Variants in CSMD2 observed in about 807,000 individuals in gnomAD.
The protein encoded by CSMD2 is CUB and sushi domain-containing protein 2.
Under a neutral mutation model 398.5 loss-of-function variants are expected in CSMD2, and 130 were observed. The observed-to-expected ratio is 0.33, with a 90% CI of 0.28 to 0.38. The LOEUF (loss-of-function observed/expected upper bound fraction) is 0.38. Ranked by LOEUF, CSMD2 falls within the 10% of genes least tolerant of loss-of-function variation. CSMD2 has a pLI of 1.00. For missense variants in CSMD2, 3,829 were observed against 4,764.9 expected (o/e 0.80, Z 5.78); for synonymous variants, 1,828 against 1,908.5 (o/e 0.96, Z 1.10).
At chr1:34,092,449 G>A (rs76014593) in intron 1 of CSMD2, among the ~76,000 whole-genome samples, 3 of 152,174 alleles carry the variant, frequency 2.0e-5, no homozygotes, top group African/African-American at 4.8e-5. Flanking sequence ...AGCTCCCAGC[G>A]TGAGCGAGGC....
intron 19 of CSMD2, among the ~76,000 whole-genome samples, chr1:33,718,360 G>A (rs1235593095): frequency 6.6e-6 from 1 of 152,244 alleles, no homozygotes; most frequent in Non-Finnish European, 1.5e-5. Context: ...ATGTGTGTAA[G>A]TGCGTGGCCA....
chr1:33,741,254 G>A (rs2149250520), intron 14 of CSMD2, among the ~76,000 whole-genome samples: 1 of 152,130 alleles, frequency 6.6e-6, no homozygotes, highest in South Asian at 2.1e-4. Context: ...AGCTGTCTGG[G>A]GAGGCAAGCT....
intron 13 of CSMD2, among the ~76,000 whole-genome samples, chr1:33,757,274 T>A (rs1025314656): frequency 6.6e-6 from 1 of 152,090 alleles, no homozygotes; most frequent in Non-Finnish European, 1.5e-5. Flanking sequence ...AACCTGCACA[T>A]TGTGCACATG....
Position 33,537,353 on chromosome 1 carries a change from G to A in CSMD2, c.9805+83C>T. ...TGCAGATGAGACCACTGAAGACAGG[G>A]AAGGAAAGTAATCATCTCAGGCCCA... On this transcript the variant is annotated intron_variant, in intron 61 of 70. Coordinates refer to ENST00000373381, the MANE Select transcript of CSMD2 (RefSeq NM_001281956.2). The surrounding 1 kb of genome is among the most constrained non-coding windows in gnomAD (Gnocchi z 4.6). 1 of 1,430,066 alleles carries A rather than the reference G, an allele frequency of 7.0e-7. No homozygotes were observed. The allele number at this position is 1,430,066 out of a possible 1,614,324, so 88.6% of individuals were successfully genotyped here.
intron 2 of CSMD2, among the ~76,000 whole-genome samples, chr1:34,064,888 G>T (rs897371213): frequency 1.3e-5 from 2 of 152,152 alleles, no homozygotes; most frequent in Non-Finnish European, 2.9e-5. Context: ...TTACATGGTG[G>T]CAACAAGAGA....
intron 12 of CSMD2, among the ~76,000 whole-genome samples, chr1:33,788,127 C>G (rs142115742): frequency 2.3e-4 from 35 of 152,196 alleles, no homozygotes; most frequent in African/African-American, 8.2e-4. Context: ...TCAAAACAAC[C>G]AGAAGGCCCT....
chr1:33,614,586 C>A lies in CSMD2; in HGVS notation c.6051G>T (p.Gly2017=). The A allele has an allele frequency of 6.2e-7, 1 of 1,612,214 alleles. No individual in the cohort carries two copies. The highest frequency in any genetic ancestry group is 8.5e-7 in the Non-Finnish European group (1 of 1,178,464). The change falls in exon 40 of 71, where the codon GGG becomes GGT. Residue 2017 remains glycine (G), a synonymous_variant. Coordinates refer to ENST00000373381, the MANE Select transcript of CSMD2 (RefSeq NM_001281956.2). ...CTGGGAAGCCGGGGCTCAGGATCAC[C>A]CCCTCCATCTCCTCCACTGTTCCCC... is the stretch of plus-strand genomic sequence containing the variant. The part of the protein sequence containing the change: ...QCGGTVEEME[G]VILSPGFPGN...
At chr1:33,600,007 C>G in intron 44 of CSMD2, 1 of 618,442 alleles carries the variant, frequency 1.6e-6, no homozygotes, top group Non-Finnish European at 2.9e-6. Context: ...TGGGCAAGTA[C>G]TTGAGCCTTC....
intron 26 of CSMD2, among the ~76,000 whole-genome samples, chr1:33,661,615 C>T (rs1644136215): frequency 6.6e-6 from 1 of 152,166 alleles, no homozygotes; most frequent in Non-Finnish European, 1.5e-5. Context: ...TTCCATGGAA[C>T]TCTTAGGAAT....
intron 15 of CSMD2, among the ~76,000 whole-genome samples, chr1:33,735,239 T>C (rs903036988): frequency 2.0e-5 from 3 of 152,216 alleles, no homozygotes; most frequent in Non-Finnish European, 2.9e-5. Flanking sequence ...GGGAAGATCC[T>C]ACGCAGGTGA....
At chr1:34,033,886 C>T (rs962021912) in intron 2 of CSMD2, among the ~76,000 whole-genome samples, 1 of 152,116 alleles carries the variant, frequency 6.6e-6, no homozygotes, top group Non-Finnish European at 1.5e-5. Context: ...GAAGCCCTTG[C>T]CCTTCCCACC....
At chr1:33,817,111 A>G (rs1477862226) in intron 9 of CSMD2, among the ~76,000 whole-genome samples, 1 of 152,170 alleles carries the variant, frequency 6.6e-6, no homozygotes, top group African/African-American at 2.4e-5. Context: ...ATTGAAAACA[A>G]AATATTTTAA....
At chr1:33,871,833 G>A (rs1570349266) in intron 5 of CSMD2, among the ~76,000 whole-genome samples, 1 of 152,150 alleles carries the variant, frequency 6.6e-6, no homozygotes, top group East Asian at 1.9e-4. Flanking sequence ...GCCAGGCTGG[G>A]CTCGAACTCC....
At chr1:33,996,150 T>G (rs909810600) in intron 3 of CSMD2, among the ~76,000 whole-genome samples, 5 of 152,110 alleles carry the variant, frequency 3.3e-5, no homozygotes, top group Admixed American at 2.6e-4. Flanking sequence ...AAAGGAAATA[T>G]AAATGGCCAA....
upstream of CSMD2, chr1:34,165,239 T>G: frequency 8.5e-7 from 1 of 1,171,000 alleles, no homozygotes. Flanking sequence ...ATGAACCAAG[T>G]GTCCGCCCGG....
intron 20 of CSMD2, among the ~76,000 whole-genome samples, chr1:33,715,345 G>A (rs796682886): frequency 4.2e-4 from 64 of 152,348 alleles, no homozygotes; most frequent in African/African-American, 1.5e-3. Flanking sequence ...GTTGGCACTT[G>A]AGGCAGACGG....
At chr1:34,077,815 A>C (rs2148323929) in intron 2 of CSMD2, among the ~76,000 whole-genome samples, 1 of 151,736 alleles carries the variant, frequency 6.6e-6, no homozygotes, top group South Asian at 2.1e-4. Flanking sequence ...GTGAGGGTTG[A>C]AAAACTGCCT....
intron 19 of CSMD2, among the ~76,000 whole-genome samples, chr1:33,718,270 A>C (rs995047332): frequency 6.6e-6 from 1 of 152,216 alleles, no homozygotes; most frequent in Non-Finnish European, 1.5e-5. Flanking sequence ...TCAGGTAGTG[A>C]GGGAAGTTAT....
intron 32 of CSMD2, among the ~76,000 whole-genome samples, chr1:33,631,624 A>G (rs1642473524): frequency 6.6e-6 from 1 of 152,146 alleles, no homozygotes; most frequent in Non-Finnish European, 1.5e-5. Flanking sequence ...TCCATGAAAT[A>G]TCTGGGAATA....
Sources: gnomAD v4.1 joint callset for allele counts (sites outside exome capture counted in the v4.1 genomes callset) on GRCh38, gnomAD v4.1.1 for gene constraint, Gnocchi (gnomAD v3.1) non-coding constraint, MANE v1.5 for transcripts, NCBI Gene and HGNC (gene_info 2026-07-23, HGNC 2026-07-21) for gene names.